The following GTF2I variants were observed in gnomAD, a reference collection of about 807,000 sequenced individuals.
GTF2I encodes the protein general transcription factor II-I.
In GTF2I, 12 loss-of-function variants were observed where a neutral mutation model predicts 67.6. The ratio of observed to expected loss-of-function variants is 0.18; its 90% CI spans 0.11 to 0.29. The LOEUF is 0.29. Ranked by LOEUF, GTF2I falls within the 10% of genes least tolerant of loss-of-function variation. GTF2I has a pLI of 1.00. For missense variants in GTF2I, 271 were observed against 580.1 expected (o/e 0.47, Z 5.47); for synonymous variants, 149 against 197.0 (o/e 0.76, Z 2.04).
chr7:74,703,952 G>A (rs1459090388), intron 6 of GTF2I, among the ~76,000 whole-genome samples: 3 of 152,124 alleles, frequency 2.0e-5, no homozygotes, highest in East Asian at 1.9e-4. Flanking sequence ...AAAGTCTTTT[G>A]ACTCTTTGTT....
At chr7:74,706,483 C>A in intron 8 of GTF2I, 50 bp downstream of exon 8, 1 of 1,369,928 alleles carries the variant, frequency 7.3e-7, no homozygotes, top group Non-Finnish European at 1.0e-6. Flanking sequence ...GAAGACTTTT[C>A]CTTAGTGTAG....
At chr7:74,684,527 AAG>A (rs1787523924) in intron 1 of GTF2I, 2 of 152,288 alleles carry the variant, frequency 1.3e-5, no homozygotes, top group African/African-American at 2.4e-5. Context: ...AAGAGGAGAA[AAG>A]AGAGCCGTCC....
chr7:74,688,760 A>C (rs1554396078), intron 1 of GTF2I, among the ~76,000 whole-genome samples: 1 of 152,092 alleles, frequency 6.6e-6, no homozygotes, highest in African/African-American at 2.4e-5. Context: ...TTCAGGGGAG[A>C]AGAGGGCTTA....
At chr7:74,666,973 C>G (rs1434274280) in intron 1 of GTF2I, among the ~76,000 whole-genome samples, 1 of 151,724 alleles carries the variant, frequency 6.6e-6, no homozygotes, top group Non-Finnish European at 1.5e-5. Context: ...GTGTGACACT[C>G]TGTCTCAAAA....
chr7:74,698,177 G>C (rs1173147424), intron 3 of GTF2I, among the ~76,000 whole-genome samples: 1 of 151,918 alleles, frequency 6.6e-6, no homozygotes, highest in African/African-American at 2.4e-5. Context: ...GGATGGTCTC[G>C]ATCTCCTGAC....
At chr7:74,729,496 G>T (rs1794248460) in intron 13 of GTF2I, among the ~76,000 whole-genome samples, 3 of 136,698 alleles carry the variant, frequency 2.2e-5, no homozygotes, top group Admixed American at 7.4e-5. Context: ...TTATTTTTTT[G>T]AGACAGAGTC....
chr7:74,658,023 C>G lies in GTF2I; in HGVS notation c.-51C>G, dbSNP rs1804069190. 6.6e-6 allele frequency: 1 copy of G among 151,678 alleles called. No individual in the cohort carries two copies. The highest frequency in any genetic ancestry group is 6.6e-5 in the Admixed American group (1 of 15,234). 9.4% of individuals were successfully genotyped at this position (151,678 alleles called of 1,614,324 possible). The stretch of plus-strand genomic sequence containing the variant: ...CGCGCGCGGCCCACACTCGCCTCCC[C>G]TCGGCACCCCCGGCCCCGGAGCTGC... On this transcript the variant is annotated 5_prime_UTR_variant, in exon 1 of 35. Coordinates refer to ENST00000573035, the MANE Select transcript of GTF2I (RefSeq NM_032999.4).
At chr7:74,667,692 T>C (rs904331983) in intron 1 of GTF2I, among the ~76,000 whole-genome samples, 3 of 151,828 alleles carry the variant, frequency 2.0e-5, no homozygotes, top group Non-Finnish European at 2.9e-5. Flanking sequence ...GATTTTTTTA[T>C]TTTTTGTGGA....
intron 1 of GTF2I, among the ~76,000 whole-genome samples, chr7:74,669,773 C>T (rs1413070779): frequency 1.3e-5 from 2 of 152,114 alleles, no homozygotes; most frequent in Non-Finnish European, 2.9e-5. Context: ...CTTTGTGATC[C>T]ACTCACTTCG....
chr7:74,679,452 A>T (rs190594458), intron 1 of GTF2I, among the ~76,000 whole-genome samples: 52 of 152,264 alleles, frequency 3.4e-4, no homozygotes, highest in Admixed American at 2.1e-3. Context: ...TTCAGTGTCC[A>T]CTATCATCTT....
Position 74,691,041 on chromosome 7 carries a change from C to T in GTF2I, c.168C>T (p.Val56=), listed in dbSNP as rs1193370028. ...CIAVYETDVF[V]VGTERGRAFV... is the part of the protein sequence containing the mutation. ...CAGTGTATGAAACAGACGTGTTTGT[C>T]GTCGGAACTGAAAGAGGACGTGCTT... Residue 56 remains valine, a synonymous_variant, in exon 3 of 35, where the codon GTC becomes GTT. Coordinates refer to ENST00000573035, the MANE Select transcript of GTF2I (RefSeq NM_032999.4). 40 of 1,612,596 alleles carry T rather than the reference C, an allele frequency of 2.5e-5. No individual in the cohort carries two copies. The highest frequency in any genetic ancestry group is 6.7e-5 in the Admixed American group (4 of 59,910).
chr7:74,693,265 ATTTTTTTTTTTTTTTT>A (rs1158949751), intron 3 of GTF2I, among the ~76,000 whole-genome samples: 1 of 83,004 alleles, frequency 1.2e-5, no homozygotes, highest in Admixed American at 1.2e-4. Context: ...CTGTAGTGGA[ATTTTTTTTTTTTTTTT>A]TTTTTTTTTT....
intron 1 of GTF2I, among the ~76,000 whole-genome samples, chr7:74,665,245 T>A (rs1554388107): frequency 6.6e-6 from 1 of 151,758 alleles, no homozygotes; most frequent in African/African-American, 2.4e-5. Flanking sequence ...GCCCGGCCTA[T>A]TTTTTATTTT....
intron 1 of GTF2I, among the ~76,000 whole-genome samples, chr7:74,686,624 C>G (rs1460335433): frequency 6.6e-6 from 1 of 152,040 alleles, no homozygotes; most frequent in East Asian, 1.9e-4. Flanking sequence ...CCTTTGTTGT[C>G]CATTTCGCCT....
At chr7:74,713,797 C>T (rs1253301253) in intron 9 of GTF2I, among the ~76,000 whole-genome samples, 12 of 152,140 alleles carry the variant, frequency 7.9e-5, no homozygotes, top group Admixed American at 7.9e-4. Flanking sequence ...AGCACATCTT[C>T]CTTTTCTTGA....
intron 1 of GTF2I, among the ~76,000 whole-genome samples, chr7:74,668,244 C>T (rs1805158564): frequency 7.8e-6 from 1 of 128,516 alleles, no homozygotes; most frequent in African/African-American, 2.9e-5. Context: ...AGGATATTAT[C>T]AAGTTCATCT....
At chr7:74,731,609 A>T (rs1398099485) in intron 14 of GTF2I, among the ~76,000 whole-genome samples, 1 of 148,178 alleles carries the variant, frequency 6.7e-6, no homozygotes, top group Non-Finnish European at 1.5e-5. Context: ...GAGTGGCACG[A>T]TCTTGGCTCA....
intron 12 of GTF2I, among the ~76,000 whole-genome samples, chr7:74,719,914 C>T (rs1554404254): frequency 6.6e-6 from 1 of 151,678 alleles, no homozygotes; most frequent in African/African-American, 2.4e-5. Flanking sequence ...AGTGAAACTC[C>T]ATCTCAAAAA....
At chr7:74,709,457 C>T (rs970235956) in intron 8 of GTF2I, among the ~76,000 whole-genome samples, 1 of 151,996 alleles carries the variant, frequency 6.6e-6, no homozygotes, top group African/African-American at 2.4e-5. Flanking sequence ...GGGGTTTAAC[C>T]ATGTTGACCA....
Sources: gnomAD v4.1 joint callset for allele counts (sites outside exome capture counted in the v4.1 genomes callset) on GRCh38, gnomAD v4.1.1 for gene constraint, MANE v1.5 for transcripts, NCBI Gene and HGNC (gene_info 2026-07-23, HGNC 2026-07-21) for gene names.